The following LRRC7 variants were observed in gnomAD, a reference collection of about 807,000 sequenced individuals.
LRRC7 encodes leucine-rich repeat-containing protein 7.
In LRRC7, 23 loss-of-function variants were observed where a neutral mutation model predicts 175.7. That is an observed-to-expected ratio of 0.13 (90% CI 0.09 to 0.19). The LOEUF (loss-of-function observed/expected upper bound fraction) is 0.19. Among genes scored for constraint, LRRC7 ranks in the 10% least tolerant of loss-of-function variants. The pLI, the probability that LRRC7 is intolerant of heterozygous loss-of-function variation, is 1.00. For missense variants in LRRC7, 1,354 were observed against 1,904.7 expected, an observed-to-expected ratio of 0.71 and a Z score of 5.38; for synonymous variants, 685 against 680.9, an observed-to-expected ratio of 1.01 and a Z score of -0.09.
intron 25 of LRRC7, among the ~76,000 whole-genome samples, chr1:70,097,064 C>T (rs1664459260): frequency 6.6e-6 from 1 of 152,146 alleles, no homozygotes; most frequent in African/African-American, 2.4e-5. Flanking sequence ...TTTTTAAAAA[C>T]ACATAGGTAA....
intron 23 of LRRC7, among the ~76,000 whole-genome samples, chr1:70,059,483 GT>G (rs1661409362): frequency 6.7e-6 from 1 of 148,930 alleles, no homozygotes; most frequent in Non-Finnish European, 1.5e-5. Context: ...AAGTGTGTGT[GT>G]GTGTGTGTGT....
chr1:69,858,846 A>C (rs1684023929), intron 7 of LRRC7, among the ~76,000 whole-genome samples: 1 of 152,098 alleles, frequency 6.6e-6, no homozygotes, highest in African/African-American at 2.4e-5. Context: ...CTTTTTATTT[A>C]TCTTGGTAAC....
intron 4 of LRRC7, among the ~76,000 whole-genome samples, chr1:69,799,456 C>G (rs960882363): frequency 6.6e-6 from 1 of 152,044 alleles, no homozygotes; most frequent in Non-Finnish European, 1.5e-5. Flanking sequence ...CCAGAACATG[C>G]AATATTTGAC....
intron 14 of LRRC7, among the ~76,000 whole-genome samples, chr1:70,016,963 T>C (rs1053105641): frequency 2.6e-5 from 4 of 152,184 alleles, no homozygotes; most frequent in African/African-American, 9.6e-5. Flanking sequence ...ATCAACTTAA[T>C]TCAAAAGCTT....
intron 1 of LRRC7, among the ~76,000 whole-genome samples, chr1:69,622,397 A>T (rs2100324329): frequency 6.6e-6 from 1 of 152,294 alleles, no homozygotes; most frequent in East Asian, 1.9e-4. Flanking sequence ...ATCTATTGAG[A>T]AAAGTCATGA....
chr1:70,037,263 G>A (rs114662405), intron 20 of LRRC7, among the ~76,000 whole-genome samples: 181 of 152,298 alleles, frequency 1.2e-3, no homozygotes, highest in African/African-American at 4.2e-3. Flanking sequence ...TATATAGGTA[G>A]TCAATAACTT....
At chr1:69,635,732 A>G (rs1653244016) in intron 1 of LRRC7, among the ~76,000 whole-genome samples, 1 of 152,070 alleles carries the variant, frequency 6.6e-6, no homozygotes. Flanking sequence ...CCAAAAGTTG[A>G]TAGTGTGCTT....
At position 70,013,012 on chromosome 1, in the gene LRRC7, C is replaced by T. The variant is rs149111202; in HGVS notation, c.1173C>T (p.Arg391=). Residue 391 remains arginine, a synonymous_variant, in exon 13 of 27, where the codon CGC becomes CGT. Coordinates refer to ENST00000651989, the MANE Select transcript of LRRC7 (RefSeq NM_001370785.2). ...AGAATGTAACAGTCATGTCTCTACG[C>T]TCCAACAAATTAGAATTTCTTCCTG... is the stretch of plus-strand genomic sequence containing the variant. ...SCKNVTVMSL[R]SNKLEFLPEE... The T allele has an allele frequency of 1.3e-6, 2 of 1,585,088 alleles. No homozygotes were observed. The highest frequency in any genetic ancestry group is 2.7e-5 in the African/African-American group (2 of 73,554).
intron 1 of LRRC7, among the ~76,000 whole-genome samples, chr1:69,651,937 A>G (rs1374360005): frequency 6.6e-6 from 1 of 152,044 alleles, no homozygotes; most frequent in Admixed American, 6.6e-5. Context: ...GGCTTGGTCC[A>G]GTCAGCATGA....
chr1:70,047,384 G>C (rs1050470525), intron 22 of LRRC7, among the ~76,000 whole-genome samples: 3 of 152,092 alleles, frequency 2.0e-5, no homozygotes, highest in African/African-American at 7.2e-5. Context: ...ATTTGTGCAG[G>C]TGCTGCTCTC....
At chr1:70,080,372 T>C (rs56245237) in intron 24 of LRRC7, among the ~76,000 whole-genome samples, 23,387 of 152,184 alleles carry the variant, frequency 0.15, 2,876 homozygotes, top group African/African-American at 0.33. Context: ...TCATTTGTTA[T>C]GTAAGCGGAG....
At chr1:69,916,140 A>AT (rs1646696320) in intron 7 of LRRC7, among the ~76,000 whole-genome samples, 2 of 11,954 alleles carry the variant, frequency 1.7e-4, no homozygotes, top group African/African-American at 9.9e-4. Context: ...TTATATATAT[A>AT]ATATATATAT....
intron 18 of LRRC7, among the ~76,000 whole-genome samples, chr1:70,035,595 C>T (rs951008966): frequency 5.6e-5 from 7 of 124,788 alleles, no homozygotes; most frequent in African/African-American, 1.7e-4. Flanking sequence ...TTATAGGACC[C>T]GACAGTGAAG....
At chr1:69,613,168 A>G (rs545321468) in intron 1 of LRRC7, among the ~76,000 whole-genome samples, 1 of 152,238 alleles carries the variant, frequency 6.6e-6, no homozygotes, top group Non-Finnish European at 1.5e-5. Context: ...GAACACTGGG[A>G]AGTCCAAGGT....
At chr1:69,772,749 A>G (rs540776088) in intron 3 of LRRC7, among the ~76,000 whole-genome samples, 2 of 152,288 alleles carry the variant, frequency 1.3e-5, no homozygotes, top group South Asian at 4.1e-4. Context: ...GATTTGGGAG[A>G]TAGGAGATTA....
intron 3 of LRRC7, among the ~76,000 whole-genome samples, chr1:69,777,747 A>T (rs558993820): frequency 6.6e-6 from 1 of 152,146 alleles, no homozygotes; most frequent in East Asian, 1.9e-4. Flanking sequence ...CCTTAAATCT[A>T]TCTCACCTCT....
In LRRC7 at chr1:69,782,655, G is replaced by A. The variant is rs187378445; in HGVS notation, c.304-9388G>A. ...TGGCAAGATGAGAAATTGGAGAGGCGAAGAGCCTTGAAAGCCACATTAAGG... is the reference window on the plus strand; with the variant it reads ...TGGCAAGATGAGAAATTGGAGAGGCAAAGAGCCTTGAAAGCCACATTAAGG... On this transcript the variant is annotated intron_variant, in intron 3 of 26. Coordinates refer to ENST00000651989, the MANE Select transcript of LRRC7 (RefSeq NM_001370785.2). Among the ~76,000 whole-genome samples the A allele has an allele frequency of 5.9e-4, 90 of 152,260 alleles. 1 individual carries two copies. The Middle Eastern group carries it at 0.01, about 17-fold the overall frequency.
chr1:69,783,225 A>G (rs1373646392), intron 3 of LRRC7, among the ~76,000 whole-genome samples: 1 of 152,080 alleles, frequency 6.6e-6, no homozygotes, highest in Non-Finnish European at 1.5e-5. Context: ...CTCTGTAAAC[A>G]TGGTTGAAGT....
At chr1:69,996,811 A>G (rs913592996) in intron 11 of LRRC7, among the ~76,000 whole-genome samples, 1 of 151,416 alleles carries the variant, frequency 6.6e-6, no homozygotes, top group Non-Finnish European at 1.5e-5. Flanking sequence ...GCCTTGTAGT[A>G]TAGTTTGAAG....
Sources: gnomAD v4.1 joint callset for allele counts (sites outside exome capture counted in the v4.1 genomes callset) on GRCh38, gnomAD v4.1.1 for gene constraint, MANE v1.5 for transcripts, NCBI Gene and HGNC (gene_info 2026-07-23, HGNC 2026-07-21) for gene names.